Variants in PIP5K1A observed in about 807,000 individuals in gnomAD.
PIP5K1A encodes the protein phosphatidylinositol-4-phosphate 5-kinase type 1 alpha, also known as phosphatidylinositol 4-phosphate 5-kinase type-1 alpha.
A neutral mutation model predicts 72.9 loss-of-function variants in PIP5K1A; 46 were observed. The ratio of observed to expected loss-of-function variants is 0.63; its 90% CI spans 0.50 to 0.81. The LOEUF is 0.81. Ranked by LOEUF, PIP5K1A falls within the 30% of genes least tolerant of loss-of-function variation. The pLI, the probability that PIP5K1A is intolerant of heterozygous loss-of-function variation, is 0.00. For missense variants in PIP5K1A, 458 were observed against 706.1 expected (o/e 0.65, Z 3.98); for synonymous variants, 228 against 255.1 (o/e 0.89, Z 1.01).
rs116173970 is a variant in PIP5K1A at position 151,202,147 on chromosome 1, A to G, written c.85+3066A>G. 8.8e-3 allele frequency among the ~76,000 whole-genome samples: 1,345 copies of G among 152,320 alleles called. 28 individuals carry two copies. Among genetic ancestry groups the G allele is most frequent in the African/African-American group, 0.031 (1,276 of 41,564 alleles). On this transcript the variant is annotated intron_variant, in intron 1 of 15. Transcript: ENST00000368888. Reference sequence around the variant, plus strand: ...AAATGCCAGAAGATTGGGAGTGCCTAGAAGTTGTGAGTGGCTTATCAAAAA... The same window carrying G: ...AAATGCCAGAAGATTGGGAGTGCCTGGAAGTTGTGAGTGGCTTATCAAAAA...
intron 11 of PIP5K1A, 121 bp downstream of exon 11, chr1:151,239,299 G>A: frequency 3.3e-6 from 2 of 609,964 alleles, no homozygotes; most frequent in South Asian, 4.2e-5. Flanking sequence ...TTGAGACAGG[G>A]TCTCACTCTG....
upstream of PIP5K1A, chr1:151,198,414 C>T (rs756714784): frequency 3.8e-6 from 1 of 266,080 alleles, no homozygotes; most frequent in Non-Finnish European, 7.5e-6. Context: ...GCGCGCACAT[C>T]TTCCACCCGT....
At position 151,242,449 on chromosome 1, in the gene PIP5K1A, GGTC is replaced by G. The variant is rs1440258018; in HGVS notation, c.1526_1528del (p.Arg509del). On this transcript the variant is annotated inframe_deletion, in exon 14 of 16. Coordinates refer to ENST00000368888, the MANE Select transcript of PIP5K1A (RefSeq NM_001135638.2). The stretch of plus-strand genomic sequence containing the variant: ...TATCTTTTTTCCAGGCGTTCACCTT[GGTC>G]GTCCTGATGTTTTACCTCAGACTCC... 1 of 1,614,004 alleles carries G rather than the reference GGTC, an allele frequency of 6.2e-7. No individual in the cohort carries two copies. The highest frequency in any genetic ancestry group is 8.5e-7 in the Non-Finnish European group (1 of 1,179,988).
At chr1:151,216,974 G>C (rs1687746277) in intron 1 of PIP5K1A, among the ~76,000 whole-genome samples, 1 of 135,656 alleles carries the variant, frequency 7.4e-6, no homozygotes, top group African/African-American at 2.8e-5. Flanking sequence ...GTGCAGTGCT[G>C]TGATCTCAGC....
rs993056736 is a variant in PIP5K1A at position 151,236,831 on chromosome 1, T to C, written c.1145+68T>C. On this transcript the variant is annotated intron_variant, in intron 9 of 15. Coordinates refer to ENST00000368888, the MANE Select transcript of PIP5K1A (RefSeq NM_001135638.2). Reference sequence around the variant, plus strand: ...CAGCACTTTTCTTTTCTTTTTTTTTTTTTTTTTTTTTTAGTTTCACTCTTG... The same window carrying C: ...CAGCACTTTTCTTTTCTTTTTTTTTCTTTTTTTTTTTTAGTTTCACTCTTG... 1.2e-5 allele frequency: 13 copies of C among 1,087,342 alleles called. 1 individual carries two copies. In the African/African-American group the frequency reaches 1.5e-4, roughly 12 times the overall value. 67.4% of individuals were successfully genotyped at this position (1,087,342 alleles called of 1,614,324 possible).
intron 1 of PIP5K1A, among the ~76,000 whole-genome samples, chr1:151,205,609 C>A (rs190833546): frequency 6.6e-6 from 1 of 152,014 alleles, no homozygotes; most frequent in African/African-American, 2.4e-5. Context: ...GAGTTCCAGA[C>A]CAGCCTGGCG....
chr1:151,231,939 G>T, intron 5 of PIP5K1A, 138 bp downstream of exon 5: 1 of 798,414 alleles, frequency 1.3e-6, no homozygotes, highest in Middle Eastern at 2.4e-4. Flanking sequence ...GGCGATGTGG[G>T]ACTAGAGAGT....
intron 8 of PIP5K1A, among the ~76,000 whole-genome samples, chr1:151,236,055 A>G (rs1487165907): frequency 2.1e-5 from 3 of 146,066 alleles, no homozygotes; most frequent in Non-Finnish European, 4.5e-5. Flanking sequence ...AGGGAGTTGG[A>G]GGTTGCAGTG....
intron 1 of PIP5K1A, among the ~76,000 whole-genome samples, chr1:151,217,658 T>A (rs1315603430): frequency 6.6e-6 from 1 of 152,226 alleles, no homozygotes; most frequent in Non-Finnish European, 1.5e-5. Context: ...CATAGCTCAC[T>A]GCAGCACTGA....
At chr1:151,246,174 GA>G (rs1031299730) in intron 14 of PIP5K1A, among the ~76,000 whole-genome samples, 1 of 152,114 alleles carries the variant, frequency 6.6e-6, no homozygotes, top group Admixed American at 6.6e-5. Context: ...TTGAACCCGG[GA>G]GGCAGAGGTT....
rs78155966 is a variant in PIP5K1A at position 151,216,900 on chromosome 1, G to GT, written c.86-7315dup. On this transcript the variant is annotated intron_variant, in intron 1 of 15. Coordinates refer to ENST00000368888, the MANE Select transcript of PIP5K1A (RefSeq NM_001135638.2). ...ACCCAAGGTTACCTACTTAGTAAAT[G>GT]TTTTTTTTTTTTTTTTTTTTTTTTT... Among the ~76,000 whole-genome samples, 431 of 136,644 alleles carry GT rather than the reference G, an allele frequency of 3.2e-3. 21 individuals are homozygous for GT. Among genetic ancestry groups the GT allele is most frequent in the South Asian group, 0.011 (44 of 4,044 alleles). 89.6% of individuals were successfully genotyped at this position (136,644 alleles called of 152,430 possible).
chr1:151,246,832 A>G, intron 14 of PIP5K1A, 88 bp from the exon 15 acceptor site: 1 of 912,912 alleles, frequency 1.1e-6, no homozygotes. Flanking sequence ...TGAAAATTAG[A>G]GAAGCAGTAT....
intron 1 of PIP5K1A, among the ~76,000 whole-genome samples, chr1:151,203,669 C>G (rs1212124086): frequency 6.6e-6 from 1 of 151,746 alleles, no homozygotes; most frequent in Non-Finnish European, 1.5e-5. Flanking sequence ...ACTAAAAATA[C>G]AAAAATTAGC....
intron 1 of PIP5K1A, among the ~76,000 whole-genome samples, chr1:151,200,111 G>A (rs1685011653): frequency 6.6e-6 from 1 of 151,898 alleles, no homozygotes; most frequent in African/African-American, 2.4e-5. Flanking sequence ...TGGGAAAGAT[G>A]GAATGGAGTC....
intron 3 of PIP5K1A, among the ~76,000 whole-genome samples, chr1:151,227,093 A>G (rs1432643943): frequency 6.6e-6 from 1 of 152,222 alleles, no homozygotes; most frequent in African/African-American, 2.4e-5. Flanking sequence ...ACCAAAGGGA[A>G]AATATGTGTC....
At chr1:151,203,756 G>A (rs776572964) in intron 1 of PIP5K1A, among the ~76,000 whole-genome samples, 5 of 151,594 alleles carry the variant, frequency 3.3e-5, no homozygotes, top group African/African-American at 7.3e-5. Context: ...CCCAGGAGGC[G>A]CGGGTTGCAG....
At chr1:151,200,645 A>G (rs764821707) in intron 1 of PIP5K1A, among the ~76,000 whole-genome samples, 1 of 152,140 alleles carries the variant, frequency 6.6e-6, no homozygotes, top group Non-Finnish European at 1.5e-5. Context: ...TGAAATATCT[A>G]GTCACACATA....
At chr1:151,239,217 C>T (rs1558295128) in intron 11 of PIP5K1A, 39 bp downstream of exon 11, 1 of 1,291,254 alleles carries the variant, frequency 7.7e-7, no homozygotes, top group Admixed American at 1.9e-5. Flanking sequence ...CCGTACACTT[C>T]TGCCTCCATC....
rs747899622 is a variant in PIP5K1A at position 151,246,901 on chromosome 1, A to AT, written c.1641-11dup. The AT allele has an allele frequency of 2.7e-5, 43 of 1,597,872 alleles. No individual in the cohort carries two copies. Among genetic ancestry groups the AT allele is most frequent in the Non-Finnish European group, 3.2e-5 (37 of 1,166,350 alleles). The stretch of plus-strand genomic sequence containing the variant: ...TCTAATTCTTTTTCTCTCTGCTTCC[A>AT]TTTTTTTTCTCCTGTTAGTACAACC... On this transcript the variant is annotated intron_variant, in intron 14 of 15. Transcript: ENST00000368888.
Sources: gnomAD v4.1 joint callset for allele counts (sites outside exome capture counted in the v4.1 genomes callset) on GRCh38, gnomAD v4.1.1 for gene constraint, MANE v1.5 for transcripts, NCBI Gene and HGNC (gene_info 2026-07-23, HGNC 2026-07-21) for gene names.